Variants in RIMS4 observed in about 807,000 individuals in gnomAD.
RIMS4 encodes the protein regulating synaptic membrane exocytosis protein 4.
RIMS4 carries 9 observed loss-of-function variants against 29.0 expected under a neutral mutation model. That is an observed-to-expected ratio of 0.31 (90% CI 0.19 to 0.54). The LOEUF is 0.54. Ranked by LOEUF, RIMS4 falls within the 20% of genes least tolerant of loss-of-function variation. The probability of loss-of-function intolerance (pLI) is 0.94; values close to 1 mark genes in which losing one functional copy is unlikely to be tolerated. For synonymous variants in RIMS4, 130 were observed against 152.9 expected, an observed-to-expected ratio of 0.85 and a Z score of 1.10; for missense variants, 193 against 365.7, an observed-to-expected ratio of 0.53 and a Z score of 3.85.
At chr20:44,769,393 C>T (rs566359036) in intron 2 of RIMS4, among the ~76,000 whole-genome samples, 2 of 152,152 alleles carry the variant, frequency 1.3e-5, no homozygotes, top group African/African-American at 2.4e-5. Flanking sequence ...CAGACCTGCC[C>T]GTGAGGCTGA....
Position 44,756,791 on chromosome 20 carries a change from G to A in RIMS4, c.591+107C>T, listed in dbSNP as rs550317960. 9 of 1,113,278 alleles carry A rather than the reference G, an allele frequency of 8.1e-6. No homozygotes were observed. Among genetic ancestry groups the A allele is most frequent in the East Asian group, 4.9e-5 (2 of 40,716 alleles). 69.0% of individuals were successfully genotyped at this position (1,113,278 alleles called of 1,614,324 possible). On this transcript the variant is annotated intron_variant, in intron 5 of 5. Transcript: ENST00000372851. This position sits in a 1 kb window ranked among gnomAD's most constrained non-coding sequence, Gnocchi z 5.9. Reference sequence around the variant, plus strand: ...AGGGCCTCGCCTGTTTCCTCCAGGCGAGGCCCTCCAGAGACACCCCCCGCC... The same window carrying A: ...AGGGCCTCGCCTGTTTCCTCCAGGCAAGGCCCTCCAGAGACACCCCCCGCC...
At chr20:44,803,625 G>A (rs1469971183) in intron 1 of RIMS4, among the ~76,000 whole-genome samples, 1 of 151,020 alleles carries the variant, frequency 6.6e-6, no homozygotes, top group Non-Finnish European at 1.5e-5. Flanking sequence ...GCTGACATCA[G>A]CCTCCTCAGT....
intron 1 of RIMS4, among the ~76,000 whole-genome samples, chr20:44,789,768 T>G (rs60946613): frequency 6.6e-6 from 1 of 152,330 alleles, no homozygotes; most frequent in African/African-American, 2.4e-5. Context: ...TTGCCCAGCC[T>G]GGGCTGGAAC....
chr20:44,775,357 C>T (rs1308359939), intron 1 of RIMS4, among the ~76,000 whole-genome samples: 1 of 152,178 alleles, frequency 6.6e-6, no homozygotes, highest in Non-Finnish European at 1.5e-5. Flanking sequence ...ACAGCCAGTA[C>T]CTGGCACCTT....
chr20:44,790,208 G>A (rs543123789), intron 1 of RIMS4, among the ~76,000 whole-genome samples: 1 of 152,382 alleles, frequency 6.6e-6, no homozygotes, highest in Non-Finnish European at 1.5e-5. Flanking sequence ...CAGGTTGAGA[G>A]TCATGGACTA....
chr20:44,784,024 C>T (rs1430214802), intron 1 of RIMS4, among the ~76,000 whole-genome samples: 1 of 152,180 alleles, frequency 6.6e-6, no homozygotes, highest in African/African-American at 2.4e-5. Flanking sequence ...CACTTCATCT[C>T]ATCTCCCAGG....
At chr20:44,773,522 C>A (rs539495865) in intron 1 of RIMS4, among the ~76,000 whole-genome samples, 1 of 151,958 alleles carries the variant, frequency 6.6e-6, no homozygotes, top group East Asian at 2.0e-4. Context: ...GGGATACAGA[C>A]CCATGACTGG....
rs973375606 is a variant in RIMS4 at position 44,787,233 on chromosome 20, AG to A, written c.98-15821del. On this transcript the variant is annotated intron_variant, in intron 1 of 5. Transcript: ENST00000372851. ...GAGATGAGGTTTGAGATGATGGGGC[AG>A]GAGGAGAGGGCAGACTGAAAAACTG... 2.2e-4 allele frequency among the ~76,000 whole-genome samples: 33 copies of A among 152,256 alleles called. No individual in the cohort carries two copies. The Middle Eastern group carries it at 0.01, about 47-fold the overall frequency.
chr20:44,759,493 A>G (rs942154795), intron 2 of RIMS4, among the ~76,000 whole-genome samples: 15 of 152,146 alleles, frequency 9.9e-5, no homozygotes, highest in African/African-American at 3.6e-4. Context: ...CCCTGGCCTC[A>G]CGTGATCCAC....
rs749996373 is a variant in RIMS4 at position 44,756,996 on chromosome 20, T to C, written c.493A>G (p.Ile165Val). 3.7e-6 allele frequency: 6 copies of C among 1,613,992 alleles called. No homozygotes were observed. In the East Asian group the frequency reaches 1.1e-4, roughly 30 times the overall value. ...KAYLLENGIC[I>V]AKKKTKVARK... ...GCGACTTTGGTCTTCTTCTTGGCAA[T>C]GCAGATGCCATTCTCTAGCAGGTAG... The change falls in exon 5 of 6, where the codon ATT becomes GTT. Residue 165 changes from isoleucine to valine, a missense_variant. Transcript: ENST00000372851. This position sits in a 1 kb window ranked among gnomAD's most constrained non-coding sequence, Gnocchi z 5.9.
At position 44,810,294 on chromosome 20, in the gene RIMS4, T is replaced by TCGGCCG; in HGVS notation, c.-29_-24dup. 2.9e-6 allele frequency: 3 copies of TCGGCCG among 1,019,864 alleles called. No homozygotes were observed. Among genetic ancestry groups the TCGGCCG allele is most frequent in the Non-Finnish European group, 3.6e-6 (3 of 829,514 alleles). 63.2% of individuals were successfully genotyped at this position (1,019,864 alleles called of 1,614,324 possible). ...CATGCCCGCGCCGGCGCCGGGCGCC[T>TCGGCCG]CGGCCGCGGCGGCGGCGGCGGCGGC... On this transcript the variant is annotated 5_prime_UTR_variant, in exon 1 of 6. Transcript: ENST00000372851.
intron 1 of RIMS4, among the ~76,000 whole-genome samples, chr20:44,789,363 T>C (rs1215120927): frequency 1.3e-5 from 2 of 152,144 alleles, no homozygotes; most frequent in African/African-American, 2.4e-5. Context: ...AGTGGAGCGA[T>C]CTCGGCTCAC....
intron 1 of RIMS4, among the ~76,000 whole-genome samples, chr20:44,782,334 T>C (rs1273533750): frequency 6.6e-6 from 1 of 152,224 alleles, no homozygotes; most frequent in Non-Finnish European, 1.5e-5. Context: ...TGGCACAACC[T>C]TGGCTCACTG....
intron 2 of RIMS4, among the ~76,000 whole-genome samples, chr20:44,764,257 C>CCATCCATCCAT (rs1229010906): frequency 2.4e-3 from 122 of 50,598 alleles, no homozygotes; most frequent in Non-Finnish European, 2.6e-3. Flanking sequence ...CATCCATCCT[C>CCATCCATCCAT]CCACAAACTC....
intron 1 of RIMS4, among the ~76,000 whole-genome samples, chr20:44,804,767 C>G (rs1184947231): frequency 2.0e-5 from 3 of 152,234 alleles, no homozygotes; most frequent in East Asian, 1.9e-4. Context: ...CCTCTCTCCC[C>G]CTTCCCACCA....
intron 3 of RIMS4, 53 bp downstream of exon 3, chr20:44,758,019 G>A (rs2066068100): frequency 1.5e-6 from 2 of 1,313,354 alleles, no homozygotes; most frequent in Non-Finnish European, 1.1e-6. Flanking sequence ...CTGAGCTTCT[G>A]GTGTGACACC....
chr20:44,783,613 C>A (rs111770582), intron 1 of RIMS4, among the ~76,000 whole-genome samples: 1,542 of 151,764 alleles, frequency 0.01, 14 homozygotes, highest in Middle Eastern at 0.051. Flanking sequence ...GACAGGGAGA[C>A]CCTGTCTCAA....
intron 1 of RIMS4, among the ~76,000 whole-genome samples, chr20:44,796,438 G>A (rs143184609): frequency 4.4e-4 from 67 of 152,170 alleles, no homozygotes; most frequent in Non-Finnish European, 8.1e-4. Flanking sequence ...AGAGGAGAGA[G>A]AAGGGGAGGA....
chr20:44,757,478 A>G (rs1234585449), intron 4 of RIMS4, among the ~76,000 whole-genome samples, 192 bp downstream of exon 4: 1 of 152,162 alleles, frequency 6.6e-6, no homozygotes, highest in Non-Finnish European at 1.5e-5. Flanking sequence ...GAGGAGAGGA[A>G]CAAGGTCAAC....
Sources: allele counts gnomAD v4.1 joint callset (sites outside exome capture counted in the v4.1 genomes callset), GRCh38; gene constraint gnomAD v4.1.1; non-coding constraint Gnocchi (gnomAD v3.1); transcripts MANE v1.5; gene names NCBI Gene and HGNC (gene_info 2026-07-23, HGNC 2026-07-21).